The following FAT3 variants were observed in gnomAD, a reference collection of about 807,000 sequenced individuals.
FAT3 encodes protocadherin Fat 3.
FAT3 carries 95 observed loss-of-function variants against 310.2 expected under a neutral mutation model. That is an observed-to-expected ratio of 0.31 (90% CI 0.26 to 0.36). FAT3 has a LOEUF of 0.36. Among genes scored for constraint, FAT3 ranks in the 10% least tolerant of loss-of-function variants. FAT3 has a pLI of 1.00. For missense variants in FAT3, 5,408 were observed against 5,715.6 expected (o/e 0.95, Z 1.74); for synonymous variants, 2,314 against 2,192.9 (o/e 1.06, Z -1.54).
At chr11:92,326,459 T>C (rs534497459) in intron 1 of FAT3, among the ~76,000 whole-genome samples, 5 of 152,358 alleles carry the variant, frequency 3.3e-5, no homozygotes, top group Admixed American at 2.0e-4. Flanking sequence ...ACACTTAATG[T>C]CTGTATTACT....
At chr11:92,471,696 C>T (rs901742254) in intron 2 of FAT3, among the ~76,000 whole-genome samples, 1 of 151,888 alleles carries the variant, frequency 6.6e-6, no homozygotes, top group African/African-American at 2.4e-5. Context: ...AACTCATCTA[C>T]AAATGCAGGA....
intron 1 of FAT3, among the ~76,000 whole-genome samples, chr11:92,341,891 A>G (rs1948273034): frequency 1.3e-5 from 2 of 152,058 alleles, no homozygotes; most frequent in African/African-American, 4.8e-5. Flanking sequence ...TCATATCCCA[A>G]CCTTCATGAA....
chr11:92,341,413 C>T (rs572431285), intron 1 of FAT3, among the ~76,000 whole-genome samples: 9 of 152,066 alleles, frequency 5.9e-5, no homozygotes, highest in African/African-American at 2.2e-4. Flanking sequence ...AGTACTAATC[C>T]AGGCAATGTG....
intron 3 of FAT3, among the ~76,000 whole-genome samples, chr11:92,621,011 CTAAT>C (rs1941060851): frequency 6.6e-6 from 1 of 152,170 alleles, no homozygotes; most frequent in African/African-American, 2.4e-5. Flanking sequence ...AGGCTCCACT[CTAAT>C]TACCTCCCAG....
chr11:92,867,487 AC>A (rs1230184231), intron 22 of FAT3, among the ~76,000 whole-genome samples: 1 of 152,126 alleles, frequency 6.6e-6, no homozygotes, highest in Non-Finnish European at 1.5e-5. Flanking sequence ...CCCCTGTCCA[AC>A]CCCTGGCCTT....
intron 3 of FAT3, among the ~76,000 whole-genome samples, chr11:92,536,347 AG>A (rs1257502569): frequency 6.6e-6 from 1 of 152,148 alleles, no homozygotes; most frequent in Non-Finnish European, 1.5e-5. Context: ...TAACCTTGAG[AG>A]GGAAAGAAGC....
At chr11:92,360,216 GACAA>G (rs1443358461) in intron 2 of FAT3, among the ~76,000 whole-genome samples, 9 of 152,284 alleles carry the variant, frequency 5.9e-5, no homozygotes, top group Non-Finnish European at 1.0e-4. Context: ...ACCAGCAACA[GACAA>G]ACAGAGAGCC....
At chr11:92,683,924 C>G (rs368567454) in intron 3 of FAT3, among the ~76,000 whole-genome samples, 1 of 152,172 alleles carries the variant, frequency 6.6e-6, no homozygotes, top group Non-Finnish European at 1.5e-5. Context: ...ATTAAATAAT[C>G]TTGTTGAGTG....
In FAT3 at chr11:92,859,361, C is replaced by T. The variant is rs1374325266; in HGVS notation, c.11658+39C>T. 2.7e-6 allele frequency: 4 copies of T among 1,491,390 alleles called. No homozygotes were observed. The Admixed American group carries it at 8.4e-5, about 31-fold the overall frequency. The allele number at this position is 1,491,390 out of a possible 1,614,324, so 92.4% of individuals were successfully genotyped here. A position where few individuals can be genotyped will look rare whatever the true frequency, so the allele number is the denominator to read the frequency against. On this transcript the variant is annotated intron_variant, in intron 21 of 27. Transcript: ENST00000525166. Reference sequence around the variant, plus strand: ...GTTATCTTTTTCTGCAGTCAGTTCTCATGTTAGTGTTTTGGCTCTTGGATT... The same window carrying T: ...GTTATCTTTTTCTGCAGTCAGTTCTTATGTTAGTGTTTTGGCTCTTGGATT...
At chr11:92,337,965 T>G (rs1006722406) in intron 1 of FAT3, among the ~76,000 whole-genome samples, 1 of 152,218 alleles carries the variant, frequency 6.6e-6, no homozygotes, top group African/African-American at 2.4e-5. Context: ...CTTTAGATTT[T>G]TTTTTAAAAA....
intron 3 of FAT3, among the ~76,000 whole-genome samples, chr11:92,555,142 T>C (rs757038530): frequency 8.5e-5 from 13 of 152,162 alleles, no homozygotes; most frequent in African/African-American, 1.9e-4. Context: ...GTGCTTTCAA[T>C]TGAAAATTTG....
At chr11:92,450,305 C>T (rs186155810) in intron 2 of FAT3, among the ~76,000 whole-genome samples, 7 of 152,324 alleles carry the variant, frequency 4.6e-5, no homozygotes, top group African/African-American at 1.7e-4. Context: ...ACTGCATCCT[C>T]TTCAAGGACA....
intron 1 of FAT3, among the ~76,000 whole-genome samples, chr11:92,337,002 C>T (rs1948103675): frequency 6.6e-6 from 1 of 152,158 alleles, no homozygotes; most frequent in South Asian, 2.1e-4. Flanking sequence ...ATACTCAGCC[C>T]TCAGAAGCAT....
chr11:92,844,787 G>T (rs893035575), intron 19 of FAT3, 55 bp downstream of exon 19: 1 of 1,437,482 alleles, frequency 7.0e-7, no homozygotes, highest in Non-Finnish European at 9.2e-7. Flanking sequence ...GGAGTAGAAT[G>T]AGTTACCATT....
chr11:92,722,987 A>C (rs1944906990), intron 4 of FAT3, among the ~76,000 whole-genome samples: 2 of 152,126 alleles, frequency 1.3e-5, no homozygotes, highest in South Asian at 4.1e-4. Context: ...GACCTCTGAC[A>C]TGCCCTGGTG....
At position 92,282,345 on chromosome 11, in the gene FAT3, T is replaced by C. The variant is rs16917337; in HGVS notation, c.-18+57171T>C. 8.9e-3 allele frequency among the ~76,000 whole-genome samples: 1,348 copies of C among 152,286 alleles called. 17 individuals carry two copies. Among genetic ancestry groups the C allele is most frequent in the African/African-American group, 0.03 (1,265 of 41,568 alleles). On this transcript the variant is annotated intron_variant, in intron 1 of 27. Transcript: ENST00000525166. ...CCCTTATGAGACTTTAAGGATTTAA[T>C]AATTTCACAGTGTATTCATACATGA...
intron 1 of FAT3, among the ~76,000 whole-genome samples, chr11:92,235,746 G>A (rs1469716829): frequency 1.3e-5 from 2 of 152,120 alleles, no homozygotes; most frequent in Non-Finnish European, 2.9e-5. Flanking sequence ...GATCCTCTAG[G>A]CATAAATACA....
intron 2 of FAT3, among the ~76,000 whole-genome samples, chr11:92,416,071 TAAAAAAAAAAAAA>T (rs398017104): frequency 4.1e-5 from 3 of 73,880 alleles, no homozygotes; most frequent in African/African-American, 1.6e-4. Context: ...CCTGGAAGCC[TAAAAAAAAAAAAA>T]AAAAAAAAAA....
intron 3 of FAT3, among the ~76,000 whole-genome samples, chr11:92,526,042 C>T (rs557895211): frequency 6.6e-6 from 1 of 152,000 alleles, no homozygotes; most frequent in African/African-American, 2.4e-5. Context: ...AGTGTTGAAT[C>T]GGGATTTGAC....
Sources: gnomAD v4.1 joint callset for allele counts (sites outside exome capture counted in the v4.1 genomes callset) on GRCh38, gnomAD v4.1.1 for gene constraint, MANE v1.5 for transcripts, NCBI Gene and HGNC (gene_info 2026-07-23, HGNC 2026-07-21) for gene names.